The following ATP10B variants were observed in gnomAD, a reference collection of about 807,000 sequenced individuals.
The protein encoded by ATP10B is phospholipid-transporting ATPase VB.
In ATP10B, 122 loss-of-function variants were observed where a neutral mutation model predicts 141.2. That is an observed-to-expected ratio of 0.86 (90% CI 0.75 to 1.00). The LOEUF is 1.00. ATP10B is among the 50% of genes least tolerant of loss of function. The pLI is 0.00. For synonymous variants in ATP10B, 685 were observed against 692.0 expected, an observed-to-expected ratio of 0.99 and a Z score of 0.16; for missense variants, 1,876 against 1,825.3, an observed-to-expected ratio of 1.03 and a Z score of -0.51.
chr5:160,752,173 C>CTT (rs561913092), intron 2 of ATP10B, among the ~76,000 whole-genome samples: 10 of 123,286 alleles, frequency 8.1e-5, no homozygotes, highest in African/African-American at 1.8e-4. Context: ...AGTCCCCCTA[C>CTT]TTTTTTTTTT....
At chr5:160,720,576 T>C (rs1393690505) in intron 2 of ATP10B, among the ~76,000 whole-genome samples, 1 of 152,264 alleles carries the variant, frequency 6.6e-6, no homozygotes, top group African/African-American at 2.4e-5. Context: ...ATCTTGATCC[T>C]TGTTGTGTGA....
chr5:160,819,015 G>A (rs1461429803), intron 1 of ATP10B, among the ~76,000 whole-genome samples: 1 of 152,094 alleles, frequency 6.6e-6, no homozygotes, highest in Non-Finnish European at 1.5e-5. Context: ...GGTGGGAGTG[G>A]GGACGGATAG....
intron 3 of ATP10B, among the ~76,000 whole-genome samples, chr5:160,701,087 T>C (rs1332933638): frequency 6.6e-6 from 1 of 152,194 alleles, no homozygotes; most frequent in African/African-American, 2.4e-5. Flanking sequence ...CTGTGCTTAC[T>C]TGGCCTCGTG....
intron 2 of ATP10B, among the ~76,000 whole-genome samples, chr5:160,747,052 A>G (rs1040951357): frequency 2.6e-5 from 4 of 152,156 alleles, no homozygotes; most frequent in African/African-American, 9.7e-5. Flanking sequence ...TCACATAGAA[A>G]TCTGGATTCT....
chr5:160,819,123 A>G (rs1314699142), intron 1 of ATP10B, among the ~76,000 whole-genome samples: 2 of 152,174 alleles, frequency 1.3e-5, no homozygotes, highest in Non-Finnish European at 2.9e-5. Flanking sequence ...TGTTGTGCAC[A>G]TGTACCCTAA....
chr5:160,723,340 A>C (rs71603679), intron 2 of ATP10B, among the ~76,000 whole-genome samples: 1 of 152,236 alleles, frequency 6.6e-6, no homozygotes, highest in Non-Finnish European at 1.5e-5. Flanking sequence ...GAAAAAATAA[A>C]CAAGATCATA....
chr5:160,845,445 C>T (rs940899568), intron 1 of ATP10B, among the ~76,000 whole-genome samples: 1 of 152,162 alleles, frequency 6.6e-6, no homozygotes. Flanking sequence ...GGAAGAGGCA[C>T]ACCAGGACCT....
Position 160,687,973 on chromosome 5 carries a change from C to T in ATP10B, c.102G>A (p.Glu34=), listed in dbSNP as rs1581359653. The T allele has an allele frequency of 6.2e-7, 1 of 1,614,100 alleles. No homozygotes were observed. The change falls in exon 5 of 26, where the codon GAG becomes GAA. Residue 34 remains glutamate (E), a synonymous_variant. Coordinates refer to ENST00000327245, the MANE Select transcript of ATP10B (RefSeq NM_025153.3). ...PSETTPLLSP[E]KGRQSYNLTQ... is the part of the protein sequence containing the mutation. ...TCAAGTTGTAGCTCTGTCTCCCTTT[C>T]TCTGGAGAGAGCAGCGGTGTGGTTT...
intron 6 of ATP10B, chr5:160,685,510 G>T (rs1166363333): frequency 7.3e-6 from 2 of 272,982 alleles, no homozygotes; most frequent in African/African-American, 2.2e-5. Context: ...TACCAACTCT[G>T]GGTCCTAAAA....
chr5:160,635,038 TG>T (rs1403976965), intron 11 of ATP10B, among the ~76,000 whole-genome samples: 1 of 152,232 alleles, frequency 6.6e-6, no homozygotes, highest in African/African-American at 2.4e-5. Flanking sequence ...GTCCTGGAAA[TG>T]GGAGTTAACA....
the ATP10B span, among the ~76,000 whole-genome samples, chr5:160,873,290 C>CA: frequency 6.6e-6 from 1 of 152,120 alleles, no homozygotes; most frequent in South Asian, 2.1e-4. Context: ...TGGTTAACAT[C>CA]ATTCTTCACG....
chr5:160,905,674 C>A, the ATP10B span, among the ~76,000 whole-genome samples: 122 of 152,064 alleles, frequency 8.0e-4, no homozygotes, highest in Middle Eastern at 0.017. Context: ...AACAAAGGAC[C>A]TGGGACTCAA....
At chr5:160,911,825 G>A in the ATP10B span, among the ~76,000 whole-genome samples, 3 of 152,110 alleles carry the variant, frequency 2.0e-5, no homozygotes, top group East Asian at 5.8e-4. Context: ...AAATACAATA[G>A]TATTGCTCCT....
At chr5:160,865,035 A>T in the ATP10B span, among the ~76,000 whole-genome samples, 1 of 152,032 alleles carries the variant, frequency 6.6e-6, no homozygotes, top group Admixed American at 6.6e-5. Flanking sequence ...TTCCCATTAA[A>T]ATATCACCAT....
rs531661245 is a variant in ATP10B at position 160,730,455 on chromosome 5, T to C, written c.-330-13421A>G. ...GAATTCATTGGCCTCCTAATGTGCT[T>C]CCCCCCGACCCCACCTGATGGGAGT... On this transcript the variant is annotated intron_variant, in intron 2 of 25. Coordinates refer to ENST00000327245, the MANE Select transcript of ATP10B (RefSeq NM_025153.3). Among the ~76,000 whole-genome samples the C allele has an allele frequency of 2.6e-5, 4 of 151,774 alleles. No homozygotes were observed. In the South Asian group the frequency reaches 8.4e-4, roughly 32 times the overall value.
At chr5:160,692,044 A>G (rs1764104382) in intron 3 of ATP10B, among the ~76,000 whole-genome samples, 1 of 152,234 alleles carries the variant, frequency 6.6e-6, no homozygotes, top group African/African-American at 2.4e-5. Context: ...AATGCCATCC[A>G]TATCAGACTT....
chr5:160,906,770 A>G, the ATP10B span, among the ~76,000 whole-genome samples: 4 of 152,188 alleles, frequency 2.6e-5, no homozygotes, highest in Non-Finnish European at 5.9e-5. Flanking sequence ...CCTGCTCGAC[A>G]TGGAGTTGTC....
intron 2 of ATP10B, 145 bp from the exon 3 acceptor site, chr5:160,717,179 A>T (rs1372726689): frequency 1.9e-6 from 1 of 519,420 alleles, no homozygotes; most frequent in Admixed American, 6.4e-5. Flanking sequence ...ATAGTAGAAA[A>T]ACATGTGTGG....
chr5:160,680,305 A>C (rs1337244072), intron 6 of ATP10B, among the ~76,000 whole-genome samples: 1 of 152,214 alleles, frequency 6.6e-6, no homozygotes, highest in Non-Finnish European at 1.5e-5. Flanking sequence ...CCAGAAAAAA[A>C]AAAATTGTCC....
Sources: gnomAD v4.1 joint callset for allele counts (sites outside exome capture counted in the v4.1 genomes callset) on GRCh38, gnomAD v4.1.1 for gene constraint, MANE v1.5 for transcripts, NCBI Gene and HGNC (gene_info 2026-07-23, HGNC 2026-07-21) for gene names.